Variants in CCDC102A observed in about 807,000 individuals in gnomAD.
CCDC102A encodes the protein coiled-coil domain-containing protein 102A.
A neutral mutation model predicts 55.5 loss-of-function variants in CCDC102A; 40 were observed. The ratio of observed to expected loss-of-function variants is 0.72; its 90% CI spans 0.56 to 0.94. The LOEUF (loss-of-function observed/expected upper bound fraction) is 0.94. Ranked by LOEUF, CCDC102A falls within the 40% of genes least tolerant of loss-of-function variation. CCDC102A has a pLI of 0.00. For synonymous variants in CCDC102A, 323 were observed against 339.0 expected (o/e 0.95, Z 0.52); for missense variants, 779 against 768.6 (o/e 1.01, Z -0.16).
chr16:57,517,271 T>A (rs182220181), intron 6 of CCDC102A, among the ~76,000 whole-genome samples: 1 of 152,332 alleles, frequency 6.6e-6, no homozygotes. Flanking sequence ...ATGTTATTCC[T>A]AACTTCTCTC....
At chr16:57,518,815 C>A in intron 4 of CCDC102A, 74 bp from the exon 5 acceptor site, 2 of 1,210,724 alleles carry the variant, frequency 1.7e-6, no homozygotes, top group South Asian at 1.3e-5. Context: ...GGGGTGGGCG[C>A]CAGTGCAGGA....
rs2032132160 is a variant in CCDC102A, at chr16:57,525,911, T to C, written c.802A>G (p.Lys268Glu). The C allele has an allele frequency of 1.2e-6, 2 of 1,612,034 alleles. No homozygotes were observed. Among genetic ancestry groups the C allele is most frequent in the African/African-American group, 2.7e-5 (2 of 74,824 alleles). ...RLDESQKVLL[K>E]EREDKLALSR... The stretch of plus-strand genomic sequence containing the variant: ...CCTCCCACGACTCACTCTCGCTCCT[T>C]GAGCAGCACCTTCTGGGACTCATCC... Residue 268 changes from lysine to glutamate, a missense_variant, in exon 3 of 9, where the codon AAG becomes GAG. By Grantham distance (56) the Lys-to-Glu change is moderately conservative. Transcript: ENST00000258214.
chr16:57,533,625 CAGCCCCAGTAACACTCACACTCACACAT>C (rs1304554258), intron 1 of CCDC102A, among the ~76,000 whole-genome samples: 2 of 151,768 alleles, frequency 1.3e-5, no homozygotes, highest in African/African-American at 4.8e-5. Flanking sequence ...CACTCACACA[CAGCCCCAGTAACACTCACACTCACACAT>C]GGCCCGAGGG....
At position 57,518,752 on chromosome 16, in the gene CCDC102A, A is replaced by T. The variant is rs112312273; in HGVS notation, c.922-11T>A. On this transcript the variant is annotated splice_polypyrimidine_tract_variant and intron_variant, in intron 4 of 8. Coordinates refer to ENST00000258214, the MANE Select transcript of CCDC102A (RefSeq NM_033212.4). ...CTTCAGGATGCTGAGCTGCAGGGAT[A>T]AGGCCCCACCTGGTCATGAGAACCA... The T allele has an allele frequency of 3.8e-6, 6 of 1,588,980 alleles. No individual in the cohort carries two copies. In the African/African-American group the frequency reaches 4.0e-5, roughly 11 times the overall value.
At chr16:57,523,120 A>G (rs1426299182) in intron 3 of CCDC102A, among the ~76,000 whole-genome samples, 1 of 152,004 alleles carries the variant, frequency 6.6e-6, no homozygotes, top group African/African-American at 2.4e-5. Context: ...GTGAGCTGAG[A>G]TAGAGCCGCT....
chr16:57,521,243 G>A lies in CCDC102A; in HGVS notation c.813-67C>T, dbSNP rs1331832769. 1.7e-5 allele frequency: 22 copies of A among 1,261,206 alleles called. No individual in the cohort carries two copies. In the Admixed American group the frequency reaches 3.7e-4, roughly 21 times the overall value. 78.1% of individuals were successfully genotyped at this position (1,261,206 alleles called of 1,614,324 possible). On this transcript the variant is annotated intron_variant, in intron 3 of 8. Transcript: ENST00000258214. ...TCTGCTTGGAGTCCTCACCAAGGGT[G>A]GCCCTGCTGTGTGCCCTCTGCACTT...
rs372359932 is a variant in CCDC102A, at chr16:57,526,243, C to T, written c.586-116G>A. Reference sequence around the variant, plus strand: ...CACAGTGTCTCTGGGCCTCAGTTTCCTCTTCTGCTGCCTGCCTCTCCATCT... The same window carrying T: ...CACAGTGTCTCTGGGCCTCAGTTTCTTCTTCTGCTGCCTGCCTCTCCATCT... On this transcript the variant is annotated intron_variant, in intron 2 of 8. Coordinates refer to ENST00000258214, the MANE Select transcript of CCDC102A (RefSeq NM_033212.4). 77 of 709,788 alleles carry T rather than the reference C, an allele frequency of 1.1e-4. No individual in the cohort carries two copies. In the African/African-American group the frequency reaches 1.3e-3, roughly 12 times the overall value. The allele number at this position is 709,788 out of a possible 1,614,324, so 44.0% of individuals were successfully genotyped here.
chr16:57,518,140 C>T lies in CCDC102A; in HGVS notation c.1176G>A (p.Arg392=), dbSNP rs750355123. Residue 392 remains arginine, a synonymous_variant, in exon 6 of 9, where the codon CGG becomes CGA. Transcript: ENST00000258214. ...CCAGTGCGCTGGCTGTTTGCCGCCG[C>T]CGCCGGGCCAGCGCCTCCTCCAGGT... is the stretch of plus-strand genomic sequence containing the variant. The part of the protein sequence containing the change: ...VGDLEEALAR[R]RRQTASALDC... 33 of 1,610,780 alleles carry T rather than the reference C, an allele frequency of 2.0e-5. No homozygotes were observed. The South Asian group carries it at 3.6e-4, about 18-fold the overall frequency.
chr16:57,518,134 C>A lies in CCDC102A; in HGVS notation c.1182G>T (p.Arg394=). ...CGCAGTCCAGTGCGCTGGCTGTTTG[C>A]CGCCGCCGCCGGGCCAGCGCCTCCT... The part of the protein sequence containing the change: ...DLEEALARRR[R]QTASALDCDL... Residue 394 remains arginine (R), a synonymous_variant, in exon 6 of 9, where the codon CGG becomes CGT. Coordinates refer to ENST00000258214, the MANE Select transcript of CCDC102A (RefSeq NM_033212.4). 1 of 1,609,526 alleles carries A rather than the reference C, an allele frequency of 6.2e-7. No individual in the cohort carries two copies. Among genetic ancestry groups the A allele is most frequent in the Non-Finnish European group, 8.5e-7 (1 of 1,179,560 alleles).
intron 2 of CCDC102A, among the ~76,000 whole-genome samples, chr16:57,527,834 G>A (rs1231814572): frequency 6.6e-6 from 1 of 152,250 alleles, no homozygotes; most frequent in Non-Finnish European, 1.5e-5. Flanking sequence ...CTGCGTGGGC[G>A]CCCAGTGAAT....
intron 2 of CCDC102A, among the ~76,000 whole-genome samples, chr16:57,527,454 T>C (rs1471040735): frequency 1.4e-5 from 2 of 147,332 alleles, no homozygotes; most frequent in Non-Finnish European, 3.0e-5. Context: ...AGATTCACTC[T>C]CGTTGCCCAG....
Position 57,526,093 on chromosome 16 carries a change from A to C in CCDC102A, c.620T>G (p.Met207Arg), listed in dbSNP as rs762388046. ...CCAGCAGTCCTCAGACTCCTCTGGC[A>C]TGCTCTTCAGCAGGCTCTCCACCAG... ...LELVESLLKS[M>R]PEESEDCWEA... Residue 207 changes from methionine to arginine, a missense_variant, in exon 3 of 9, where the codon ATG becomes AGG. Coordinates refer to ENST00000258214, the MANE Select transcript of CCDC102A (RefSeq NM_033212.4). 1 of 1,570,470 alleles carries C rather than the reference A, an allele frequency of 6.4e-7. No individual in the cohort carries two copies. The highest frequency in any genetic ancestry group is 1.1e-5 in the South Asian group (1 of 87,010).
intron 1 of CCDC102A, 41 bp downstream of exon 1, chr16:57,536,459 C>A (rs2032391850): frequency 6.6e-6 from 1 of 152,356 alleles, no homozygotes; most frequent in Non-Finnish European, 1.5e-5. Flanking sequence ...GTTCCCGGGC[C>A]GCCTTGGCCT....
rs780307321 is a variant in CCDC102A at position 57,518,088 on chromosome 16, C to G, written c.1228G>C (p.Ala410Pro). The change falls in exon 6 of 9, where the codon GCG (alanine) becomes CCG (proline). Residue 410 changes from alanine (A) to proline (P), a missense_variant. By Grantham distance (27) the Ala-to-Pro change is conservative (BLOSUM62 -1). Transcript: ENST00000258214. Reference protein sequence around the residue: ...LDCDLRASQAALFEKNKELAD... With the variant: ...LDCDLRASQAPLFEKNKELAD... ...CCCACCTTGTTCTTCTCGAAGAGCGCGGCCTGGCTGGCCCTCAGGTCGCAG... is the reference window on the plus strand; with the variant it reads ...CCCACCTTGTTCTTCTCGAAGAGCGGGGCCTGGCTGGCCCTCAGGTCGCAG... 6.2e-7 allele frequency: 1 copy of G among 1,603,194 alleles called. No individual in the cohort carries two copies. Among genetic ancestry groups the G allele is most frequent in the Non-Finnish European group, 8.5e-7 (1 of 1,177,362 alleles).
chr16:57,514,950 T>C (rs1189926615), intron 8 of CCDC102A, among the ~76,000 whole-genome samples: 2 of 152,040 alleles, frequency 1.3e-5, no homozygotes, highest in African/African-American at 4.8e-5. Context: ...CACGAGTCCC[T>C]GCTCACCAGT....
intron 4 of CCDC102A, among the ~76,000 whole-genome samples, chr16:57,520,380 C>T (rs1368765700): frequency 6.6e-6 from 1 of 152,090 alleles, no homozygotes. Flanking sequence ...TAGGCCTTCC[C>T]TGACCTACCA....
At chr16:57,536,752 G>A (rs1382057353), upstream of CCDC102A, among the ~76,000 whole-genome samples, 2 of 152,140 alleles carry the variant, frequency 1.3e-5, no homozygotes, top group Admixed American at 6.5e-5. Context: ...AGGGGTGCGG[G>A]CCGGGGCGGT....
In CCDC102A at chr16:57,512,776, C is replaced by G; in HGVS notation, c.1618G>C (p.Asp540His). The G allele has an allele frequency of 6.2e-7, 1 of 1,614,188 alleles. No homozygotes were observed. The highest frequency in any genetic ancestry group is 8.5e-7 in the Non-Finnish European group (1 of 1,180,020). ...TGGATTTGCAGGTCCTCGTCCTCGT[C>G]CAGGTCACTGGTTCCATCCTCGGCC... ...EEAEDGTSDL[D>H]EDEDLQIQVA is the part of the protein sequence containing the mutation. The change falls in exon 9 of 9, where the codon GAC (aspartate) becomes CAC (histidine). Residue 540 changes from aspartate to histidine, a missense_variant. Transcript: ENST00000258214.
chr16:57,526,070 A>G lies in CCDC102A; in HGVS notation c.643T>C (p.Trp215Arg). 1 of 1,587,048 alleles carries G rather than the reference A, an allele frequency of 6.3e-7. No individual in the cohort carries two copies. Among genetic ancestry groups the G allele is most frequent in the South Asian group, 1.1e-5 (1 of 89,002 alleles). Residue 215 changes from tryptophan (W) to arginine (R), a missense_variant, in exon 3 of 9, where the codon TGG becomes CGG. Transcript: ENST00000258214. ...KSMPEESEDC[W>R]EARSLGAGGP... is the part of the protein sequence containing the mutation. ...CCAGCCCCCAGGCTGCGCGCCTCCC[A>G]GCAGTCCTCAGACTCCTCTGGCATG...
Sources: gnomAD v4.1 joint callset for allele counts (sites outside exome capture counted in the v4.1 genomes callset) on GRCh38, gnomAD v4.1.1 for gene constraint, MANE v1.5 for transcripts, NCBI Gene and HGNC (gene_info 2026-07-23, HGNC 2026-07-21) for gene names.